The following HEY1 variants were observed in gnomAD, a reference collection of about 807,000 sequenced individuals.
The protein encoded by HEY1 is hairy/enhancer-of-split related with YRPW motif protein 1.
A neutral mutation model predicts 28.7 loss-of-function variants in HEY1; 9 were observed. That is an observed-to-expected ratio of 0.31 (90% CI 0.19 to 0.55). HEY1 has a LOEUF of 0.55. Among genes scored for constraint, HEY1 ranks in the 20% least tolerant of loss-of-function variants. HEY1 has a pLI of 0.93. For synonymous variants in HEY1, 213 were observed against 175.6 expected (o/e 1.21, Z -1.68); for missense variants, 385 against 399.4 (o/e 0.96, Z 0.31).
intron 3 of HEY1, 34 bp from the exon 4 acceptor site, chr8:79,766,766 A>C (rs1807851774): frequency 6.3e-7 from 1 of 1,599,128 alleles, no homozygotes; most frequent in Non-Finnish European, 8.6e-7. Flanking sequence ...TTGATTTGGC[A>C]CAAGTTCCTT....
At position 79,766,892 on chromosome 8, in the gene HEY1, C is replaced by T. The variant is rs192267899; in HGVS notation, c.249+117G>A. ...CACAAAATACGCTGGTATCTGTGTA[C>T]GAATTCATCTAGGCACAAGCAACAC... On this transcript the variant is annotated intron_variant, in intron 3 of 4. Transcript: ENST00000354724. 1.8e-5 allele frequency: 22 copies of T among 1,204,520 alleles called. No homozygotes were observed. In the Admixed American group the frequency reaches 2.9e-4, roughly 16 times the overall value. The allele number at this position is 1,204,520 out of a possible 1,614,324, so 74.6% of individuals were successfully genotyped here. A position where few individuals can be genotyped will look rare whatever the true frequency, so the allele number is the denominator to read the frequency against.
chr8:79,765,042 A>G lies in HEY1; in HGVS notation c.*146T>C, dbSNP rs1366704780. On this transcript the variant is annotated 3_prime_UTR_variant, in exon 5 of 5. Transcript: ENST00000354724. ...CATTAAAAAAGATAAAAGTAAACCAACAAACCTTTAGTCTTTAAAAAAAAA... is the reference window on the plus strand; with the variant it reads ...CATTAAAAAAGATAAAAGTAAACCAGCAAACCTTTAGTCTTTAAAAAAAAA... 8.8e-6 allele frequency: 5 copies of G among 566,940 alleles called. No homozygotes were observed. Among genetic ancestry groups the G allele is most frequent in the Non-Finnish European group, 1.5e-5 (5 of 328,926 alleles). The allele number at this position is 566,940 out of a possible 1,614,324, so 35.1% of individuals were successfully genotyped here.
At position 79,765,490 on chromosome 8, in the gene HEY1, C is replaced by G; in HGVS notation, c.613G>C (p.Gly205Arg). 1 of 1,613,504 alleles carries G rather than the reference C, an allele frequency of 6.2e-7. No homozygotes were observed. Among genetic ancestry groups the G allele is most frequent in the South Asian group, 1.1e-5 (1 of 91,066 alleles). Residue 205 changes from glycine to arginine, a missense_variant, in exon 5 of 5, where the codon GGC becomes CGC. Physicochemically the swap from Gly to Arg is moderately radical, Grantham distance 125. Around this residue, in one of 3 missense-constraint regions of HEY1, gnomAD observed 223 missense variants for 215.9 expected, o/e 1.03. Transcript: ENST00000354724. Reference protein sequence around the residue: ...LLPQNGHGNAGTTASPTEPHH... With the variant: ...LLPQNGHGNARTTASPTEPHH... ...GGTTCCGTGGGTGAGGCCGTGGTGC[C>G]CGCGTTCCCGTGGCCGTTCTGGGGC...
At position 79,767,209 on chromosome 8, in the gene HEY1, A is replaced by C. The variant is rs559360995; in HGVS notation, c.165+10T>G. ...TAACAAAAATAAAAGGAGAGTGTAA[A>C]GAGACTCACTCCTCTCCGTCTTTTT... On this transcript the variant is annotated intron_variant, in intron 2 of 4. Coordinates refer to ENST00000354724, the MANE Select transcript of HEY1 (RefSeq NM_012258.4). 3.0e-5 allele frequency: 49 copies of C among 1,609,380 alleles called. No homozygotes were observed. The South Asian group carries it at 3.6e-4, about 12-fold the overall frequency.
chr8:79,766,810 C>A (rs1807852992), intron 3 of HEY1, 78 bp from the exon 4 acceptor site: 1 of 1,462,472 alleles, frequency 6.8e-7, no homozygotes, highest in South Asian at 1.1e-5. Flanking sequence ...AACATATATA[C>A]AAAGATACAT....
rs755850073 is a variant in HEY1 at position 79,765,688 on chromosome 8, T to C, written c.415A>G (p.Ser139Gly). 1 of 1,614,184 alleles carries C rather than the reference T, an allele frequency of 6.2e-7. No individual in the cohort carries two copies. Among genetic ancestry groups the C allele is most frequent in the African/African-American group, 1.3e-5 (1 of 75,058 alleles). ...ECLAEVARYL[S>G]IIEGLDASDP... is the part of the protein sequence containing the mutation. ...GAGGCATCTAGTCCTTCAATGATGC[T>C]CAGATAACGCGCAACTTCTGCCAGG... is the stretch of plus-strand genomic sequence containing the variant. The change falls in exon 5 of 5, where the codon AGC becomes GGC. Residue 139 changes from serine to glycine, a missense_variant. Physicochemically the swap from Ser to Gly is moderately conservative, Grantham distance 56 (BLOSUM62 0). Coordinates refer to ENST00000354724, the MANE Select transcript of HEY1 (RefSeq NM_012258.4).
At chr8:79,765,808 G>A (rs1807820510) in intron 4 of HEY1, 37 bp from the exon 5 acceptor site, 1 of 1,547,782 alleles carries the variant, frequency 6.5e-7, no homozygotes, top group Non-Finnish European at 8.8e-7. Context: ...TCAGGGCTTT[G>A]CCCGTTTCCC....
At position 79,765,079 on chromosome 8, in the gene HEY1, G is replaced by C; in HGVS notation, c.*109C>G. On this transcript the variant is annotated 3_prime_UTR_variant, in exon 5 of 5. Transcript: ENST00000354724. Reference sequence around the variant, plus strand: ...TCTTTAAAAAAAAAATTATCTGAAAGTGTACCTTTTTCCTTTTTACTTTTA... The same window carrying C: ...TCTTTAAAAAAAAAATTATCTGAAACTGTACCTTTTTCCTTTTTACTTTTA... 1.5e-6 allele frequency: 1 copy of C among 673,084 alleles called. No homozygotes were observed. The highest frequency in any genetic ancestry group is 2.3e-6 in the Non-Finnish European group (1 of 431,734). The allele number at this position is 673,084 out of a possible 1,614,324, so 41.7% of individuals were successfully genotyped here.
chr8:79,765,157 A>G lies in HEY1; in HGVS notation c.*31T>C. 7 of 1,464,140 alleles carry G rather than the reference A, an allele frequency of 4.8e-6. No individual in the cohort carries two copies. The highest frequency in any genetic ancestry group is 6.4e-6 in the Non-Finnish European group (7 of 1,087,378). The allele number at this position is 1,464,140 out of a possible 1,614,324, so 90.7% of individuals were successfully genotyped here. A position where few individuals can be genotyped will look rare whatever the true frequency, so the allele number is the denominator to read the frequency against. ...CAGTCCAGCCCAGCTGGGATTTTAA[A>G]CTTTCCCCTCCCTCATTCTACATCA... is the stretch of plus-strand genomic sequence containing the variant. On this transcript the variant is annotated 3_prime_UTR_variant, in exon 5 of 5. Transcript: ENST00000354724.
In HEY1 at chr8:79,764,370, C is replaced by T. The variant is rs965701814; in HGVS notation, c.*818G>A. ...TGTTAACATTTGTGAATTTGAGATC[C>T]GTGTGATTAAAAATTCTTTGTGTTG... On this transcript the variant is annotated 3_prime_UTR_variant, in exon 5 of 5. Transcript: ENST00000354724. 3 of 226,036 alleles carry T rather than the reference C, an allele frequency of 1.3e-5. No homozygotes were observed. The highest frequency in any genetic ancestry group is 4.5e-5 in the African/African-American group (2 of 44,922). 14.0% of individuals were successfully genotyped at this position (226,036 alleles called of 1,614,324 possible).
chr8:79,766,540 T>C, intron 4 of HEY1, 111 bp downstream of exon 4: 2 of 1,551,332 alleles, frequency 1.3e-6, no homozygotes, highest in Non-Finnish European at 1.7e-6. Flanking sequence ...CACACCGTTC[T>C]CTCCCCACCC....
chr8:79,765,200 G>A lies in HEY1; in HGVS notation c.903C>T (p.Ile301=), dbSNP rs150402060. The A allele has an allele frequency of 1.9e-6, 3 of 1,544,270 alleles. No homozygotes were observed. The highest frequency in any genetic ancestry group is 2.6e-6 in the Non-Finnish European group (3 of 1,143,502). ...GKPYRPWGTE[I]GAF ...CTACATCAGTTCTTTAAAAAGCTCC[G>A]ATCTCCGTCCCCCAAGGTCTATAGG... The change falls in exon 5 of 5, where the codon ATC becomes ATT. Residue 301 remains isoleucine (I), a synonymous_variant. Transcript: ENST00000354724.
rs201298116 is a variant in HEY1 at position 79,765,699 on chromosome 8, G to A, written c.404C>T (p.Ala135Val). 6.2e-7 allele frequency: 1 copy of A among 1,614,202 alleles called. No homozygotes were observed. The highest frequency in any genetic ancestry group is 8.5e-7 in the Non-Finnish European group (1 of 1,180,010). Reference protein sequence around the residue: ...LGFRECLAEVARYLSIIEGLD... With the variant: ...LGFRECLAEVVRYLSIIEGLD... ...TCCTTCAATGATGCTCAGATAACGC[G>A]CAACTTCTGCCAGGCATTCCCGAAA... The change falls in exon 5 of 5, where the codon GCG becomes GTG. Residue 135 changes from alanine to valine, a missense_variant. Ala to Val is a moderately conservative substitution (Grantham distance 64). Transcript: ENST00000354724.
At chr8:79,766,198 C>G in intron 4 of HEY1, 1 of 1,533,888 alleles carries the variant, frequency 6.5e-7, no homozygotes, top group Non-Finnish European at 8.7e-7. Context: ...GACATACACA[C>G]AGACCTTGGT....
At chr8:79,765,846 T>G in intron 4 of HEY1, 75 bp from the exon 5 acceptor site, 1 of 1,291,220 alleles carries the variant, frequency 7.7e-7, no homozygotes, top group Non-Finnish European at 1.1e-6. Context: ...GAGACAGCCC[T>G]TCCTGGCAGA....
chr8:79,766,935 G>C (rs1807856683), intron 3 of HEY1, 74 bp downstream of exon 3: 7 of 1,353,456 alleles, frequency 5.2e-6, no homozygotes, highest in Non-Finnish European at 3.2e-6. Context: ...TTCCAAGGCG[G>C]ATGAGATTAA....
At position 79,765,789 on chromosome 8, in the gene HEY1, AG is replaced by A; in HGVS notation, c.332-19del. On this transcript the variant is annotated intron_variant, in intron 4 of 4. Coordinates refer to ENST00000354724, the MANE Select transcript of HEY1 (RefSeq NM_012258.4). Reference sequence around the variant, plus strand: ...AAAGTAACCTAAGCAAAAGAACAAAAGAAAAATCTCAGGGCTTTGCCCGTTT... The same window carrying A: ...AAAGTAACCTAAGCAAAAGAACAAAAAAAAATCTCAGGGCTTTGCCCGTTT... The A allele has an allele frequency of 1.3e-6, 2 of 1,586,388 alleles. No homozygotes were observed. The highest frequency in any genetic ancestry group is 1.7e-6 in the Non-Finnish European group (2 of 1,163,666).
rs1807784117 is a variant in HEY1, at chr8:79,764,698, ATAT to A, written c.*487_*489del. ...ATATAGTTCCCCTCCCCCCAAAAGA[ATAT>A]TATTTATACAACACCTTAATCTGTC... On this transcript the variant is annotated 3_prime_UTR_variant, in exon 5 of 5. Transcript: ENST00000354724. 1.4e-5 allele frequency: 3 copies of A among 222,206 alleles called. No homozygotes were observed. Among genetic ancestry groups the A allele is most frequent in the African/African-American group, 6.7e-5 (3 of 44,784 alleles). 13.8% of individuals were successfully genotyped at this position (222,206 alleles called of 1,614,324 possible). A position where few individuals can be genotyped will look rare whatever the true frequency, so the allele number is the denominator to read the frequency against.
Position 79,767,363 on chromosome 8 carries a change from C to T in HEY1, c.90-69G>A. ...AACGAGGAGAGGTGATCTGAGAGGT[C>T]GCCCCCACACCCTCCCCGCACTCAG... is the stretch of plus-strand genomic sequence containing the variant. On this transcript the variant is annotated intron_variant, in intron 1 of 4. Coordinates refer to ENST00000354724, the MANE Select transcript of HEY1 (RefSeq NM_012258.4). 14 of 1,370,724 alleles carry T rather than the reference C, an allele frequency of 1.0e-5. No individual in the cohort carries two copies. In the South Asian group the frequency reaches 1.5e-4, roughly 14 times the overall value. 84.9% of individuals were successfully genotyped at this position (1,370,724 alleles called of 1,614,324 possible). A position where few individuals can be genotyped will look rare whatever the true frequency, so the allele number is the denominator to read the frequency against.
Sources: gnomAD v4.1 joint callset for allele counts on GRCh38, gnomAD v4.1.1 for gene constraint, gnomAD v4.1.1 regional missense constraint, MANE v1.5 for transcripts, NCBI Gene and HGNC (gene_info 2026-07-23, HGNC 2026-07-21) for gene names.